Variants in KLF12 observed in about 807,000 individuals in gnomAD.
The protein encoded by KLF12 is KLF transcription factor 12.
A neutral mutation model predicts 37.8 loss-of-function variants in KLF12; 9 were observed. The observed-to-expected ratio is 0.24, with a 90% CI of 0.14 to 0.42. The LOEUF is 0.42. Ranked by LOEUF, KLF12 falls within the 10% of genes least tolerant of loss-of-function variation. KLF12 has a pLI of 1.00. For missense variants in KLF12, 411 were observed against 516.0 expected, an observed-to-expected ratio of 0.80 and a Z score of 1.97; for synonymous variants, 208 against 202.1, an observed-to-expected ratio of 1.03 and a Z score of -0.25.
intron 1 of KLF12, among the ~76,000 whole-genome samples, chr13:74,113,000 G>C (rs561858890): frequency 6.6e-6 from 1 of 152,256 alleles, no homozygotes; most frequent in South Asian, 2.1e-4. Flanking sequence ...GAGAAAATCT[G>C]AGTGGTCTGG....
chr13:73,954,582 TTGTAGC>T (rs1483807743), intron 2 of KLF12, among the ~76,000 whole-genome samples: 65 of 152,324 alleles, frequency 4.3e-4, no homozygotes, highest in Non-Finnish European at 8.2e-4. Context: ...ACTAACTAAG[TTGTAGC>T]AGTTTGCATT....
chr13:73,735,957 CTTTTTT>C (rs10699962), intron 6 of KLF12, among the ~76,000 whole-genome samples: 1 of 146,786 alleles, frequency 6.8e-6, no homozygotes, highest in Non-Finnish European at 1.5e-5. Flanking sequence ...CTTTCTTTTT[CTTTTTT>C]TTTTTACCTG....
At chr13:73,772,056 T>C (rs538942351) in intron 5 of KLF12, among the ~76,000 whole-genome samples, 1 of 152,294 alleles carries the variant, frequency 6.6e-6, no homozygotes, top group South Asian at 2.1e-4. Context: ...GATGCACATA[T>C]CAATACATAA....
the KLF12 span, among the ~76,000 whole-genome samples, chr13:74,166,963 G>A: frequency 6.6e-6 from 1 of 152,278 alleles, no homozygotes; most frequent in East Asian, 1.9e-4. Flanking sequence ...AAATATTTGT[G>A]ACTGATATTG....
At chr13:74,276,829 C>T in the KLF12 span, among the ~76,000 whole-genome samples, 2 of 152,150 alleles carry the variant, frequency 1.3e-5, no homozygotes, top group Non-Finnish European at 2.9e-5. Context: ...ATGGTTTTAC[C>T]TTTAACTCCT....
chr13:73,780,751 C>A (rs373548906), intron 5 of KLF12, among the ~76,000 whole-genome samples: 1 of 152,184 alleles, frequency 6.6e-6, no homozygotes, highest in East Asian at 1.9e-4. Context: ...CGTGAGCCAC[C>A]GCGCCCAGCC....
At chr13:74,183,621 C>T in the KLF12 span, among the ~76,000 whole-genome samples, 3 of 152,070 alleles carry the variant, frequency 2.0e-5, no homozygotes, top group Non-Finnish European at 2.9e-5. Context: ...CCACCAACAG[C>T]GTATTTAGAA....
At chr13:73,988,616 T>C (rs1302376681) in intron 2 of KLF12, among the ~76,000 whole-genome samples, 5 of 152,210 alleles carry the variant, frequency 3.3e-5, no homozygotes, top group African/African-American at 1.2e-4. Flanking sequence ...GCGATGATTC[T>C]ATTCTTTATC....
chr13:74,192,176 T>C, the KLF12 span, among the ~76,000 whole-genome samples: 4 of 151,736 alleles, frequency 2.6e-5, no homozygotes, highest in South Asian at 8.3e-4. Flanking sequence ...TAAAAAAAAA[T>C]GGAAAATAGT....
At chr13:74,165,537 G>C in the KLF12 span, among the ~76,000 whole-genome samples, 1 of 152,042 alleles carries the variant, frequency 6.6e-6, no homozygotes, top group African/African-American at 2.4e-5. Context: ...ACCCTCAACT[G>C]ATCTACTCAC....
the KLF12 span, among the ~76,000 whole-genome samples, chr13:74,252,252 AG>A: frequency 3.0e-4 from 45 of 152,220 alleles, no homozygotes; most frequent in Admixed American, 2.9e-3. Flanking sequence ...AAGGACCCTT[AG>A]GTAGGGCTGC....
intron 1 of KLF12, among the ~76,000 whole-genome samples, chr13:74,100,953 C>T (rs1207065001): frequency 1.3e-5 from 2 of 152,124 alleles, no homozygotes; most frequent in Admixed American, 1.3e-4. Context: ...GCCTTCAGCT[C>T]CCTGTCAGAA....
intron 2 of KLF12, among the ~76,000 whole-genome samples, chr13:73,984,880 A>G (rs1329241758): frequency 1.3e-5 from 2 of 152,210 alleles, no homozygotes; most frequent in Non-Finnish European, 2.9e-5. Flanking sequence ...GCTCTTCCAG[A>G]ATGTTTCCAC....
intron 6 of KLF12, among the ~76,000 whole-genome samples, chr13:73,735,769 T>A: frequency 6.6e-6 from 1 of 152,182 alleles, no homozygotes; most frequent in Non-Finnish European, 1.5e-5. Flanking sequence ...ATGTATTTAA[T>A]CTGCAGAACA....
chr13:73,868,612 C>T (rs539771913), intron 3 of KLF12, among the ~76,000 whole-genome samples: 16 of 152,014 alleles, frequency 1.1e-4, no homozygotes, highest in African/African-American at 3.1e-4. Flanking sequence ...GCTGGTCTCT[C>T]GAACTCCTGA....
chr13:74,210,060 G>A, the KLF12 span, among the ~76,000 whole-genome samples: 2 of 152,068 alleles, frequency 1.3e-5, no homozygotes, highest in African/African-American at 4.8e-5. Context: ...TCATTACTTT[G>A]GGGATGTGAC....
At chr13:73,720,355 C>T (rs1876145128) in intron 6 of KLF12, among the ~76,000 whole-genome samples, 1 of 123,890 alleles carries the variant, frequency 8.1e-6, no homozygotes, top group African/African-American at 2.7e-5. Flanking sequence ...AAAAACTGGC[C>T]TTTTTATAAA....
Position 74,064,515 on chromosome 13 carries a change from C to G in KLF12, c.-32+69224G>C, listed in dbSNP as rs547766418. Among the ~76,000 whole-genome samples the G allele has an allele frequency of 2.2e-4, 34 of 152,222 alleles. No homozygotes were observed. In the South Asian group the frequency reaches 6.8e-3, roughly 31 times the overall value. The stretch of plus-strand genomic sequence containing the variant: ...ACAAAATTTGGTGTTGATGATACAT[C>G]CAAAGAAGCATTGGAGTCCAGAATT... On this transcript the variant is annotated intron_variant, in intron 1 of 7. Coordinates refer to ENST00000377669, the MANE Select transcript of KLF12 (RefSeq NM_007249.5).
At chr13:73,777,654 G>C (rs1880698311) in intron 5 of KLF12, among the ~76,000 whole-genome samples, 1 of 151,460 alleles carries the variant, frequency 6.6e-6, no homozygotes, top group Non-Finnish European at 1.5e-5. Flanking sequence ...GTTGCGGTGA[G>C]CCAAGATTGC....
Sources: allele counts gnomAD v4.1 joint callset (sites outside exome capture counted in the v4.1 genomes callset), GRCh38; gene constraint gnomAD v4.1.1; transcripts MANE v1.5; gene names NCBI Gene and HGNC (gene_info 2026-07-23, HGNC 2026-07-21).